FAAH: variants seen among roughly 807,000 people sequenced by gnomAD.
The protein encoded by FAAH is fatty acid amide hydrolase, also known as fatty-acid amide hydrolase 1.
A neutral mutation model predicts 69.7 loss-of-function variants in FAAH; 63 were observed. That is an observed-to-expected ratio of 0.90 (90% CI 0.74 to 1.12). The LOEUF is 1.12. Among genes scored for constraint, FAAH ranks in the 50% most tolerant of loss-of-function variants. The probability of loss-of-function intolerance (pLI) is 0.00; values close to 1 mark genes in which losing one functional copy is unlikely to be tolerated. For missense variants in FAAH, 680 were observed against 755.0 expected, an observed-to-expected ratio of 0.90 and a Z score of 1.16; for synonymous variants, 305 against 324.2, an observed-to-expected ratio of 0.94 and a Z score of 0.64.
chr1:46,397,189 C>T (rs1173794182), intron 1 of FAAH, among the ~76,000 whole-genome samples: 4 of 152,244 alleles, frequency 2.6e-5, no homozygotes, highest in Admixed American at 1.3e-4. Flanking sequence ...CCAAGAGCAG[C>T]GTGGGCAGCA....
In FAAH at chr1:46,410,844, A is replaced by G. The variant is rs1450196899; in HGVS notation, c.1306A>G (p.Met436Val). The G allele has an allele frequency of 1.2e-6, 2 of 1,613,864 alleles. No homozygotes were observed. Among genetic ancestry groups the G allele is most frequent in the African/African-American group, 2.7e-5 (2 of 74,844 alleles). The part of the protein sequence containing the change: ...LPRLSAFLSN[M>V]KSRSAGKLWE... ...AAGGCTGTCAGCTTTCCTCAGCAAC[A>G]TGAAGTCTCGGTAAGGGTTCTTCTG... Residue 436 changes from methionine to valine, a missense_variant, in exon 11 of 15, where the codon ATG (methionine) becomes GTG (valine). Physicochemically the swap from Met to Val is conservative, Grantham distance 21. Coordinates refer to ENST00000243167, the MANE Select transcript of FAAH (RefSeq NM_001441.3). The surrounding 1 kb of genome is among the most constrained non-coding windows in gnomAD (Gnocchi z 4.9).
In FAAH at chr1:46,405,915, G is replaced by A. The variant is rs1168170293; in HGVS notation, c.785+121G>A. On this transcript the variant is annotated intron_variant, in intron 5 of 14. Transcript: ENST00000243167. This position sits in a 1 kb window ranked among gnomAD's most constrained non-coding sequence, Gnocchi z 4.1. ...GGTTTTGCTGGGAGGAAGCATTACA[G>A]TACCACTGGCCGGGCGTGGGTCCTA... The A allele has an allele frequency of 1.6e-5, 25 of 1,610,756 alleles. No homozygotes were observed. Among genetic ancestry groups the A allele is most frequent in the Non-Finnish European group, 2.1e-5 (25 of 1,179,296 alleles).
intron 7 of FAAH, among the ~76,000 whole-genome samples, chr1:46,407,478 G>A (rs1185495300): frequency 6.6e-6 from 1 of 152,104 alleles, no homozygotes; most frequent in Non-Finnish European, 1.5e-5. Context: ...TGTGTTATTT[G>A]GAGGAGGTGG....
intron 7 of FAAH, 121 bp from the exon 8 acceptor site, chr1:46,408,338 G>C (rs1664837556): frequency 1.5e-6 from 2 of 1,321,912 alleles, no homozygotes; most frequent in South Asian, 2.4e-5. Flanking sequence ...AGAAGGGGCT[G>C]GCCTCGCTGA....
chr1:46,395,256 C>T (rs1296566070), intron 1 of FAAH, among the ~76,000 whole-genome samples: 1 of 152,272 alleles, frequency 6.6e-6, no homozygotes, highest in Non-Finnish European at 1.5e-5. Flanking sequence ...TTGATTTGTG[C>T]ATTTGGATCC....
rs555317533 is a variant in FAAH at position 46,405,647 on chromosome 1, G to A, written c.638G>A (p.Ser213Asn). 6.2e-7 allele frequency: 1 copy of A among 1,613,536 alleles called. No individual in the cohort carries two copies. The highest frequency in any genetic ancestry group is 1.1e-5 in the South Asian group (1 of 91,084). The part of the protein sequence containing the change: ...QTVNPWKSSK[S>N]PGGSSGGEGA... Reference sequence around the variant, plus strand: ...GTGAACCCATGGAAGTCCTCCAAAAGCCCAGGGGGCTCCTCAGGGGGTGAA... The same window carrying A: ...GTGAACCCATGGAAGTCCTCCAAAAACCCAGGGGGCTCCTCAGGGGGTGAA... Residue 213 changes from serine (S) to asparagine (N), a missense_variant, in exon 5 of 15, where the codon AGC becomes AAC. By Grantham distance (46) the Ser-to-Asn change is conservative. Coordinates refer to ENST00000243167, the MANE Select transcript of FAAH (RefSeq NM_001441.3). The surrounding 1 kb of genome is among the most constrained non-coding windows in gnomAD (Gnocchi z 4.1).
At position 46,404,127 on chromosome 1, in the gene FAAH, C is replaced by T. The variant is rs1490227163; in HGVS notation, c.310-887C>T. 3.3e-5 allele frequency among the ~76,000 whole-genome samples: 5 copies of T among 152,260 alleles called. No homozygotes were observed. The East Asian group carries it at 7.7e-4, about 24-fold the overall frequency. ...GGGCTGGTGTCACTGAGAGGGGGCA[C>T]GTACATAGTCTCAGCAGATGGTCTT... is the stretch of plus-strand genomic sequence containing the variant. On this transcript the variant is annotated intron_variant, in intron 2 of 14. Transcript: ENST00000243167. This position sits in a 1 kb window ranked among gnomAD's most constrained non-coding sequence, Gnocchi z 4.5.
chr1:46,408,537 C>A lies in FAAH; in HGVS notation c.1030C>A (p.Arg344=). ...NYTMPSPAMR[R]AVLETKQSLE... is the part of the protein sequence containing the mutation. ...TACCATGCCCTCCCCGGCCATGAGG[C>A]GGGCCGTGCTGGAGACCAAACAGAG... Residue 344 remains arginine (R), a synonymous_variant, in exon 8 of 15, where the codon CGG becomes AGG. Coordinates refer to ENST00000243167, the MANE Select transcript of FAAH (RefSeq NM_001441.3). 1 of 1,614,166 alleles carries A rather than the reference C, an allele frequency of 6.2e-7. No homozygotes were observed. The highest frequency in any genetic ancestry group is 8.5e-7 in the Non-Finnish European group (1 of 1,180,026).
chr1:46,405,090 C>T lies in FAAH; in HGVS notation c.386C>T (p.Pro129Leu), dbSNP rs763769361. The change falls in exon 3 of 15, where the codon CCA (proline) becomes CTA (leucine). Residue 129 changes from proline (P) to leucine (L), a missense_variant. Coordinates refer to ENST00000243167, the MANE Select transcript of FAAH (RefSeq NM_001441.3). This position sits in a 1 kb window ranked among gnomAD's most constrained non-coding sequence, Gnocchi z 4.1. Reference protein sequence around the residue: ...ADCETQLSQAPRQGLLYGVPV... With the variant: ...ADCETQLSQALRQGLLYGVPV... ...TGTGAGACTCAGCTGTCTCAGGCCC[C>T]AAGGCAGGGCCTGCTCTATGGCGTC... is the stretch of plus-strand genomic sequence containing the variant. The T allele has an allele frequency of 7.4e-6, 12 of 1,613,816 alleles. No individual in the cohort carries two copies. The highest frequency in any genetic ancestry group is 2.2e-5 in the South Asian group (2 of 91,090).
In FAAH at chr1:46,405,325, C is replaced by T. The variant is rs1208321272; in HGVS notation, c.445-47C>T. Reference sequence around the variant, plus strand: ...GTTGTTGGAGTGGACCCTTGGCTGCCCACGGGCCCTGACTCACTCCCTTCT... The same window carrying T: ...GTTGTTGGAGTGGACCCTTGGCTGCTCACGGGCCCTGACTCACTCCCTTCT... On this transcript the variant is annotated intron_variant, in intron 3 of 14. Coordinates refer to ENST00000243167, the MANE Select transcript of FAAH (RefSeq NM_001441.3). This position sits in a 1 kb window ranked among gnomAD's most constrained non-coding sequence, Gnocchi z 4.1. The T allele has an allele frequency of 1.9e-6, 3 of 1,605,742 alleles. No individual in the cohort carries two copies. The highest frequency in any genetic ancestry group is 2.5e-6 in the Non-Finnish European group (3 of 1,179,888).
rs948460751 is a variant in FAAH at position 46,410,338 on chromosome 1, C to T, written c.1176-60C>T. The T allele has an allele frequency of 1.6e-5, 22 of 1,400,362 alleles. No individual in the cohort carries two copies. The highest frequency in any genetic ancestry group is 3.4e-5 in the Admixed American group (2 of 59,676). 86.7% of individuals were successfully genotyped at this position (1,400,362 alleles called of 1,614,324 possible). ...GAGAATGGGATTGCTGTGGGCCGGG[C>T]GAGCAAGCTGGGAAGGATGTGGGGA... On this transcript the variant is annotated intron_variant, in intron 9 of 14. Transcript: ENST00000243167. The surrounding 1 kb of genome is among the most constrained non-coding windows in gnomAD (Gnocchi z 4.9).
chr1:46,400,035 TTC>T (rs923343077), intron 1 of FAAH, among the ~76,000 whole-genome samples: 9 of 152,206 alleles, frequency 5.9e-5, no homozygotes, highest in African/African-American at 2.2e-4. Flanking sequence ...CCATTTTTTC[TTC>T]TTTGTAGCTC....
intron 13 of FAAH, among the ~76,000 whole-genome samples, chr1:46,412,468 C>G (rs980379896): frequency 2.0e-5 from 3 of 152,150 alleles, no homozygotes; most frequent in African/African-American, 7.2e-5. Context: ...GTTACAGAAT[C>G]TAGTTTGGGG....
At position 46,394,319 on chromosome 1, in the gene FAAH, C is replaced by T. The variant is rs534287589; in HGVS notation, c.-30C>T. ...CTGCGCGTGCGGCGGCTTCAACTGTCGCGGTAGGCAGCAGCAGGCTGAAGG... is the reference window on the plus strand; with the variant it reads ...CTGCGCGTGCGGCGGCTTCAACTGTTGCGGTAGGCAGCAGCAGGCTGAAGG... On this transcript the variant is annotated 5_prime_UTR_variant, in exon 1 of 15. Coordinates refer to ENST00000243167, the MANE Select transcript of FAAH (RefSeq NM_001441.3). The T allele has an allele frequency of 2.0e-6, 3 of 1,536,502 alleles. No homozygotes were observed. The highest frequency in any genetic ancestry group is 2.6e-5 in the East Asian group (1 of 38,764).
rs915540994 is a variant in FAAH, at chr1:46,410,334, C to T, written c.1176-64C>T. The T allele has an allele frequency of 3.7e-5, 49 of 1,326,026 alleles. No individual in the cohort carries two copies. Among genetic ancestry groups the T allele is most frequent in the African/African-American group, 3.3e-4 (23 of 69,438 alleles). 82.1% of individuals were successfully genotyped at this position (1,326,026 alleles called of 1,614,324 possible). A position where few individuals can be genotyped will look rare whatever the true frequency, so the allele number is the denominator to read the frequency against. On this transcript the variant is annotated intron_variant, in intron 9 of 14. Coordinates refer to ENST00000243167, the MANE Select transcript of FAAH (RefSeq NM_001441.3). This position sits in a 1 kb window ranked among gnomAD's most constrained non-coding sequence, Gnocchi z 4.9. Reference sequence around the variant, plus strand: ...CATAGAGAATGGGATTGCTGTGGGCCGGGCGAGCAAGCTGGGAAGGATGTG... The same window carrying T: ...CATAGAGAATGGGATTGCTGTGGGCTGGGCGAGCAAGCTGGGAAGGATGTG...
intron 1 of FAAH, among the ~76,000 whole-genome samples, chr1:46,397,601 G>A (rs916568408): frequency 1.2e-4 from 19 of 152,010 alleles, no homozygotes; most frequent in African/African-American, 4.6e-4. Context: ...TTGCTCTGTC[G>A]CCCAGGCTGG....
At position 46,410,161 on chromosome 1, in the gene FAAH, G is replaced by A; in HGVS notation, c.1176-237G>A. ...GTTCTTAGAGCTCTGAGCTGGGTTT[G>A]CTGGAGAGGGATACCCTGAGTCCTG... is the stretch of plus-strand genomic sequence containing the variant. On this transcript the variant is annotated intron_variant, in intron 9 of 14. Coordinates refer to ENST00000243167, the MANE Select transcript of FAAH (RefSeq NM_001441.3). The surrounding 1 kb of genome is among the most constrained non-coding windows in gnomAD (Gnocchi z 4.9). 1.9e-6 allele frequency: 1 copy of A among 538,438 alleles called. No homozygotes were observed. The highest frequency in any genetic ancestry group is 3.4e-6 in the Non-Finnish European group (1 of 294,530). The allele number at this position is 538,438 out of a possible 1,614,324, so 33.4% of individuals were successfully genotyped here. A position where few individuals can be genotyped will look rare whatever the true frequency, so the allele number is the denominator to read the frequency against.
In FAAH at chr1:46,405,095, C is replaced by A; in HGVS notation, c.391C>A (p.Gln131Lys). 1 of 1,613,944 alleles carries A rather than the reference C, an allele frequency of 6.2e-7. No individual in the cohort carries two copies. Among genetic ancestry groups the A allele is most frequent in the Non-Finnish European group, 8.5e-7 (1 of 1,179,996 alleles). Residue 131 changes from glutamine (Q) to lysine (K), a missense_variant, in exon 3 of 15, where the codon CAG (glutamine) becomes AAG (lysine). Physicochemically the swap from Gln to Lys is moderately conservative, Grantham distance 53. Transcript: ENST00000243167. This position sits in a 1 kb window ranked among gnomAD's most constrained non-coding sequence, Gnocchi z 4.1. ...GACTCAGCTGTCTCAGGCCCCAAGG[C>A]AGGGCCTGCTCTATGGCGTCCCTGT... Reference protein sequence around the residue: ...CETQLSQAPRQGLLYGVPVSL... With the variant: ...CETQLSQAPRKGLLYGVPVSL...
At chr1:46,407,958 C>A (rs1307301625) in intron 7 of FAAH, among the ~76,000 whole-genome samples, 1 of 152,078 alleles carries the variant, frequency 6.6e-6, no homozygotes, top group Non-Finnish European at 1.5e-5. Context: ...CAGGGCAGAT[C>A]TGGGCTGGGT....
Sources: gnomAD v4.1 joint callset for allele counts (sites outside exome capture counted in the v4.1 genomes callset) on GRCh38, gnomAD v4.1.1 for gene constraint, Gnocchi (gnomAD v3.1) non-coding constraint, MANE v1.5 for transcripts, NCBI Gene and HGNC (gene_info 2026-07-23, HGNC 2026-07-21) for gene names.